The following ADAMTS20 variants were observed in gnomAD, a reference collection of about 807,000 sequenced individuals.
ADAMTS20 encodes A disintegrin and metalloproteinase with thrombospondin motifs 20.
A neutral mutation model predicts 260.1 loss-of-function variants in ADAMTS20; 225 were observed. The observed-to-expected ratio is 0.87, with a 90% CI of 0.78 to 0.97. The LOEUF (loss-of-function observed/expected upper bound fraction) is 0.97, where lower values mean the gene tolerates loss of function less well. ADAMTS20 is among the 50% of genes least tolerant of loss of function. The pLI is 0.00. For missense variants in ADAMTS20, 2,400 were observed against 2,337.7 expected (o/e 1.03, Z -0.55); for synonymous variants, 802 against 769.5 (o/e 1.04, Z -0.70).
At chr12:43,504,867 G>A (rs1485744600) in intron 3 of ADAMTS20, among the ~76,000 whole-genome samples, 2 of 152,024 alleles carry the variant, frequency 1.3e-5, no homozygotes, top group Non-Finnish European at 2.9e-5. Flanking sequence ...AAATTACAAA[G>A]AGCAATAATA....
chr12:43,544,614 G>C (rs1312949195), intron 2 of ADAMTS20, among the ~76,000 whole-genome samples: 4 of 152,176 alleles, frequency 2.6e-5, no homozygotes, highest in Non-Finnish European at 1.5e-5. Context: ...AATGGATCAG[G>C]AAGGATAGTT....
At chr12:43,435,114 G>A (rs1170066096) in intron 18 of ADAMTS20, among the ~76,000 whole-genome samples, 5 of 152,246 alleles carry the variant, frequency 3.3e-5, no homozygotes, top group East Asian at 1.9e-4. Flanking sequence ...GTCACTATAC[G>A]TTTGTCAAAC....
intron 3 of ADAMTS20, among the ~76,000 whole-genome samples, chr12:43,517,247 A>G (rs1807180123): frequency 6.6e-6 from 1 of 152,102 alleles, no homozygotes; most frequent in Non-Finnish European, 1.5e-5. Flanking sequence ...AAATATTGAA[A>G]GATTGGAAAG....
chr12:43,432,557 G>C, intron 20 of ADAMTS20, 44 bp downstream of exon 20: 1 of 1,598,204 alleles, frequency 6.3e-7, no homozygotes, highest in South Asian at 1.1e-5. Flanking sequence ...TACGTAATTA[G>C]AAAGAAAGGG....
chr12:43,498,753 C>T lies in ADAMTS20; in HGVS notation c.867+3399G>A, dbSNP rs548863075. Among the ~76,000 whole-genome samples, 3 of 152,210 alleles carry T rather than the reference C, an allele frequency of 2.0e-5. 1 individual carries two copies. The highest frequency in any genetic ancestry group is 1.9e-4 in the East Asian group (1 of 5,174). On this transcript the variant is annotated intron_variant, in intron 4 of 38. Transcript: ENST00000389420. ...TAAAACAAGTTGGACTGGATTTGAT[C>T]GCTACACAGTGTGATCAACAGTCCC...
At chr12:43,369,413 G>T in intron 36 of ADAMTS20, 32 bp from the exon 37 acceptor site, 1 of 1,331,810 alleles carries the variant, frequency 7.5e-7, no homozygotes, top group Non-Finnish European at 1.0e-6. Context: ...TCTTTAGCAT[G>T]GAGACAATAA....
At chr12:43,352,970 A>C (rs1314638676), downstream of ADAMTS20, among the ~76,000 whole-genome samples, 1 of 152,180 alleles carries the variant, frequency 6.6e-6, no homozygotes, top group Non-Finnish European at 1.5e-5. Flanking sequence ...TTTATATGGT[A>C]CAATACATCT....
intron 27 of ADAMTS20, 50 bp downstream of exon 27, chr12:43,427,254 TTCAG>T: frequency 6.4e-7 from 1 of 1,565,622 alleles, no homozygotes; most frequent in Non-Finnish European, 8.7e-7. Flanking sequence ...GCTTTTTACT[TTCAG>T]TCTTCAGAGA....
At chr12:43,383,321 G>A (rs565808945) in intron 31 of ADAMTS20, among the ~76,000 whole-genome samples, 1 of 152,150 alleles carries the variant, frequency 6.6e-6, no homozygotes, top group Non-Finnish European at 1.5e-5. Flanking sequence ...GTTCCTGGTG[G>A]TTGGTTTCAC....
chr12:43,360,167 G>A (rs35295862), intron 37 of ADAMTS20, among the ~76,000 whole-genome samples: 6,863 of 152,178 alleles, frequency 0.045, 229 homozygotes, highest in Non-Finnish European at 0.064. Flanking sequence ...ACATATCACC[G>A]GCCGGGCACG....
chr12:43,426,842 C>T (rs1014528431), intron 27 of ADAMTS20, among the ~76,000 whole-genome samples: 1 of 152,064 alleles, frequency 6.6e-6, no homozygotes, highest in African/African-American at 2.4e-5. Flanking sequence ...GCTGAAAAAT[C>T]TAGAATATGC....
chr12:43,437,804 A>T (rs1464657875), intron 18 of ADAMTS20, among the ~76,000 whole-genome samples: 1 of 152,204 alleles, frequency 6.6e-6, no homozygotes, highest in East Asian at 1.9e-4. Flanking sequence ...TTCCCAGGAC[A>T]ATAATGAAGG....
Position 43,429,702 on chromosome 12 carries a change from G to A in ADAMTS20, c.3404C>T (p.Ser1135Leu), listed in dbSNP as rs1174930819. The A allele has an allele frequency of 5.0e-6, 8 of 1,588,410 alleles. No individual in the cohort carries two copies. The highest frequency in any genetic ancestry group is 6.0e-6 in the Non-Finnish European group (7 of 1,165,664). ...DRQSCVLTPC[S>L]FISKLETALL... ...AGCGGTCTCAAGTTTAGAAATAAATGAGCAAGGTGTAAGTACACAGCTCTG... is the reference window on the plus strand; with the variant it reads ...AGCGGTCTCAAGTTTAGAAATAAATAAGCAAGGTGTAAGTACACAGCTCTG... The change falls in exon 24 of 39, where the codon TCA becomes TTA. Residue 1135 changes from serine to leucine, a missense_variant. Coordinates refer to ENST00000389420, the MANE Select transcript of ADAMTS20 (RefSeq NM_025003.5).
At chr12:43,443,976 G>A (rs991986091) in intron 15 of ADAMTS20, 93 bp from the exon 16 acceptor site, 51 of 934,064 alleles carry the variant, frequency 5.5e-5, no homozygotes, top group Non-Finnish European at 7.0e-5. Context: ...GAATAGCATA[G>A]TCAGACTTAA....
Position 43,493,229 on chromosome 12 carries a change from T to G in ADAMTS20, c.892A>C (p.Ser298Arg). ...SIVATIYKDP[S>R]IGNLIHIVVV... Reference sequence around the variant, plus strand: ...ACTATGTGTATCAAATTTCCAATACTTGGATCTTTGTAGATTGTTGCAACC... The same window carrying G: ...ACTATGTGTATCAAATTTCCAATACGTGGATCTTTGTAGATTGTTGCAACC... Residue 298 changes from serine (S) to arginine (R), a missense_variant, in exon 5 of 39, where the codon AGT becomes CGT. Ser to Arg is a moderately radical substitution (Grantham distance 110, BLOSUM62 -1). Transcript: ENST00000389420. 1 of 1,557,954 alleles carries G rather than the reference T, an allele frequency of 6.4e-7. No individual in the cohort carries two copies. Among genetic ancestry groups the G allele is most frequent in the Non-Finnish European group, 8.7e-7 (1 of 1,149,970 alleles).
chr12:43,375,481 C>A lies in ADAMTS20; in HGVS notation c.5344G>T (p.Gly1782Trp). ...LKNPYQCPFN[G>W]SRREDCECDN... Reference sequence around the variant, plus strand: ...CATTCACAGTCTTCCCTTCTACTCCCATTAAAAGGACATTGATATGGATTT... The same window carrying A: ...CATTCACAGTCTTCCCTTCTACTCCAATTAAAAGGACATTGATATGGATTT... The change falls in exon 36 of 39, where the codon GGG (glycine) becomes TGG (tryptophan). Residue 1782 changes from glycine (G) to tryptophan (W), a missense_variant. Physicochemically the swap from Gly to Trp is radical, Grantham distance 184. Transcript: ENST00000389420. The A allele has an allele frequency of 6.2e-7, 1 of 1,613,166 alleles. No individual in the cohort carries two copies. The highest frequency in any genetic ancestry group is 8.5e-7 in the Non-Finnish European group (1 of 1,179,310).
At chr12:43,430,772 A>C (rs1941427453) in intron 22 of ADAMTS20, among the ~76,000 whole-genome samples, 1 of 152,236 alleles carries the variant, frequency 6.6e-6, no homozygotes, top group Non-Finnish European at 1.5e-5. Context: ...TGATTTAAGG[A>C]AACTAAATAT....
At position 43,439,704 on chromosome 12, in the gene ADAMTS20, G is replaced by A; in HGVS notation, c.2511C>T (p.Phe837=). 1 of 1,613,700 alleles carries A rather than the reference G, an allele frequency of 6.2e-7. No homozygotes were observed. The highest frequency in any genetic ancestry group is 8.5e-7 in the Non-Finnish European group (1 of 1,179,784). The change falls in exon 18 of 39, where the codon TTC becomes TTT. Residue 837 remains phenylalanine, a synonymous_variant. Coordinates refer to ENST00000389420, the MANE Select transcript of ADAMTS20 (RefSeq NM_025003.5). ...NLYNPDVHYS[F]NIPLEERSDM... The stretch of plus-strand genomic sequence containing the variant: ...CACTCCTCTCTTCCAAAGGGATATT[G>A]AAGGAATAATGTACATCAGGGTTGT...
chr12:43,451,709 C>T (rs1941866691), intron 14 of ADAMTS20, among the ~76,000 whole-genome samples: 1 of 152,086 alleles, frequency 6.6e-6, no homozygotes, highest in Admixed American at 6.6e-5. Context: ...GCAGTGCATT[C>T]TAATTGTTTA....
Sources: gnomAD v4.1 joint callset for allele counts (sites outside exome capture counted in the v4.1 genomes callset) on GRCh38, gnomAD v4.1.1 for gene constraint, MANE v1.5 for transcripts, NCBI Gene and HGNC (gene_info 2026-07-23, HGNC 2026-07-21) for gene names.